Variants in RNF175 observed in about 807,000 individuals in gnomAD.
The protein encoded by RNF175 is ring finger protein 175.
In RNF175, 38 loss-of-function variants were observed where a neutral mutation model predicts 50.0. The ratio of observed to expected loss-of-function variants is 0.76; its 90% CI spans 0.59 to 1.00. The LOEUF is 1.00. Ranked by LOEUF, RNF175 falls within the 50% of genes least tolerant of loss-of-function variation. The probability of loss-of-function intolerance (pLI) is 0.00; values close to 1 mark genes in which losing one functional copy is unlikely to be tolerated. For missense variants in RNF175, 388 were observed against 409.6 expected (o/e 0.95, Z 0.46); for synonymous variants, 155 against 146.1 (o/e 1.06, Z -0.44).
intron 2 of RNF175, 107 bp downstream of exon 2, chr4:153,751,331 T>C (rs1477993794): frequency 2.4e-6 from 2 of 824,204 alleles, no homozygotes; most frequent in East Asian, 2.7e-5. Context: ...ATCTTCTCTA[T>C]CCTGGAAAAT....
intron 6 of RNF175, 72 bp from the exon 7 acceptor site, chr4:153,715,734 T>A: frequency 6.6e-7 from 1 of 1,508,390 alleles, no homozygotes; most frequent in African/African-American, 1.4e-5. Context: ...AGGAAGCCAC[T>A]GCCAGGCACT....
intron 3 of RNF175, among the ~76,000 whole-genome samples, chr4:153,739,250 G>A (rs1432151988): frequency 1.3e-5 from 2 of 152,136 alleles, no homozygotes; most frequent in African/African-American, 2.4e-5. Context: ...GTGAAACCTC[G>A]TCTCTACTAA....
chr4:153,743,395 C>G (rs978253104), intron 3 of RNF175, among the ~76,000 whole-genome samples: 5 of 152,098 alleles, frequency 3.3e-5, no homozygotes, highest in African/African-American at 1.2e-4. Flanking sequence ...GGGGATGGGG[C>G]TACTCAACCT....
Position 153,723,336 on chromosome 4 carries a change from A to G in RNF175, c.509+15T>C, listed in dbSNP as rs754585687. ...AGTGCTTGGAGATATTAATGTCTTA[A>G]TTGGAGATACTTACTTGAAAAACAG... is the stretch of plus-strand genomic sequence containing the variant. On this transcript the variant is annotated intron_variant, in intron 5 of 8. Transcript: ENST00000347063. 1 of 1,281,744 alleles carries G rather than the reference A, an allele frequency of 7.8e-7. No individual in the cohort carries two copies. Among genetic ancestry groups the G allele is most frequent in the Non-Finnish European group, 1.1e-6 (1 of 880,184 alleles). 79.4% of individuals were successfully genotyped at this position (1,281,744 alleles called of 1,614,324 possible).
At chr4:153,712,703 T>G (rs1306712490) in intron 7 of RNF175, 127 bp from the exon 8 acceptor site, 3 of 672,832 alleles carry the variant, frequency 4.5e-6, no homozygotes, top group Non-Finnish European at 7.9e-6. Context: ...ATCGCTTTTT[T>G]CGGGAGGTTC....
At chr4:153,729,688 T>C (rs1254820003) in intron 3 of RNF175, 1 of 985,182 alleles carries the variant, frequency 1.0e-6, no homozygotes, top group East Asian at 1.1e-4. Context: ...CTCCTTTGAT[T>C]GCTCCATCCT....
In RNF175 at chr4:153,759,312, C is replaced by A. The variant is rs1039122519; in HGVS notation, c.66+485G>T. ...GACCAGCAGTCTGCGTGGTAACAGG[C>A]CCTCCGAGTGATTCTGATGACACTC... On this transcript the variant is annotated intron_variant, in intron 1 of 8. Coordinates refer to ENST00000347063, the MANE Select transcript of RNF175 (RefSeq NM_173662.4). Among the ~76,000 whole-genome samples, 7 of 152,198 alleles carry A rather than the reference C, an allele frequency of 4.6e-5. No homozygotes were observed. The East Asian group carries it at 7.7e-4, about 17-fold the overall frequency.
intron 3 of RNF175, among the ~76,000 whole-genome samples, chr4:153,729,169 C>A (rs540629899): frequency 1.3e-5 from 2 of 152,230 alleles, no homozygotes; most frequent in African/African-American, 2.4e-5. Flanking sequence ...TAATCAATAG[C>A]AATATCCTTT....
At chr4:153,729,842 T>G (rs1738929386) in intron 3 of RNF175, 4 of 982,754 alleles carry the variant, frequency 4.1e-6, no homozygotes, top group Non-Finnish European at 4.8e-6. Context: ...GAACAAATCC[T>G]ATAACTTCAA....
intron 3 of RNF175, among the ~76,000 whole-genome samples, chr4:153,734,868 G>T (rs1739268788): frequency 6.6e-6 from 1 of 151,488 alleles, no homozygotes; most frequent in Non-Finnish European, 1.5e-5. Flanking sequence ...AGTAGAGACG[G>T]GGTTTCATCG....
intron 4 of RNF175, 23 bp downstream of exon 4, chr4:153,728,184 G>A: frequency 6.5e-7 from 1 of 1,544,516 alleles, no homozygotes; most frequent in Non-Finnish European, 8.7e-7. Context: ...GGCTCCTGGG[G>A]AAGGAATGTA....
chr4:153,714,447 G>T (rs548529302), intron 7 of RNF175: 7 of 152,300 alleles, frequency 4.6e-5, no homozygotes, highest in African/African-American at 1.7e-4. Flanking sequence ...AGATTAAACA[G>T]AATTGAATCA....
intron 3 of RNF175, among the ~76,000 whole-genome samples, chr4:153,742,355 A>AG (rs554841932): frequency 3.7e-4 from 56 of 152,298 alleles, no homozygotes; most frequent in Non-Finnish European, 6.3e-4. Context: ...TTGAAAAAAA[A>AG]CAATTCATTA....
chr4:153,728,114 C>T (rs1738813403), intron 4 of RNF175, 93 bp downstream of exon 4: 16 of 859,856 alleles, frequency 1.9e-5, no homozygotes, highest in Non-Finnish European at 2.3e-5. Context: ...ATGTAACCCC[C>T]CCACTCCCCA....
intron 3 of RNF175, among the ~76,000 whole-genome samples, chr4:153,739,780 T>C (rs917579856): frequency 1.3e-5 from 2 of 152,182 alleles, no homozygotes; most frequent in Non-Finnish European, 1.5e-5. Flanking sequence ...TTTTCCTTCA[T>C]CTTTGGCTTT....
chr4:153,743,523 C>T (rs938321942), intron 3 of RNF175, among the ~76,000 whole-genome samples: 2 of 152,104 alleles, frequency 1.3e-5, no homozygotes, highest in East Asian at 3.9e-4. Flanking sequence ...ACCATGAGAC[C>T]TGAATCTGTC....
At chr4:153,719,667 C>T (rs1738203684) in intron 6 of RNF175, among the ~76,000 whole-genome samples, 2 of 152,118 alleles carry the variant, frequency 1.3e-5, no homozygotes, top group Admixed American at 1.3e-4. Flanking sequence ...AGTATAGAGT[C>T]AGAATACATC....
Position 153,723,431 on chromosome 4 carries a change from G to T in RNF175, c.429C>A (p.Ile143=), listed in dbSNP as rs1332255866. Residue 143 remains isoleucine (I), a synonymous_variant, in exon 5 of 9, where the codon ATC becomes ATA. Coordinates refer to ENST00000347063, the MANE Select transcript of RNF175 (RefSeq NM_173662.4). ...CACCAAATGCATAGCTGAGTTTGTA[G>T]ATCAAAAGAAACCATTTGTAGACCA... is the stretch of plus-strand genomic sequence containing the variant. ...PRLVYKWFLL[I]YKLSYAFGVV... 6.2e-7 allele frequency: 1 copy of T among 1,601,940 alleles called. No individual in the cohort carries two copies. The highest frequency in any genetic ancestry group is 1.1e-5 in the South Asian group (1 of 90,262).
chr4:153,713,408 ACT>A (rs1737719123), intron 7 of RNF175: 2 of 152,078 alleles, frequency 1.3e-5, no homozygotes, highest in African/African-American at 2.4e-5. Flanking sequence ...CATTTGAATG[ACT>A]CTTTCAAAAC....
Sources: allele counts gnomAD v4.1 joint callset (sites outside exome capture counted in the v4.1 genomes callset), GRCh38; gene constraint gnomAD v4.1.1; transcripts MANE v1.5; gene names NCBI Gene and HGNC (gene_info 2026-07-23, HGNC 2026-07-21).